The following SGCZ variants were observed in gnomAD, a reference collection of about 807,000 sequenced individuals.
SGCZ encodes the protein sarcoglycan zeta.
In SGCZ, 40 loss-of-function variants were observed where a neutral mutation model predicts 41.3. The ratio of observed to expected loss-of-function variants is 0.97; its 90% confidence interval spans 0.75 to 1.26. The LOEUF (loss-of-function observed/expected upper bound fraction) is 1.26, where lower values mean the gene tolerates loss of function less well. Ranked by LOEUF, SGCZ falls within the 50% of genes most tolerant of loss-of-function variation. SGCZ has a pLI of 0.00. For synonymous variants in SGCZ, 206 were observed against 137.5 expected, an observed-to-expected ratio of 1.50 and a Z score of -3.49; for missense variants, 552 against 369.8, an observed-to-expected ratio of 1.49 and a Z score of -4.04.
chr8:14,423,413 G>A (rs1799689326), intron 2 of SGCZ, among the ~76,000 whole-genome samples: 1 of 151,936 alleles, frequency 6.6e-6, no homozygotes, highest in East Asian at 1.9e-4. Context: ...TAGCTATAAT[G>A]ATAATAATTA....
intron 2 of SGCZ, among the ~76,000 whole-genome samples, chr8:14,499,426 A>G (rs371465609): frequency 5.9e-5 from 9 of 151,892 alleles, no homozygotes; most frequent in African/African-American, 1.9e-4. Flanking sequence ...TTGGTTTTCA[A>G]TTCTCTGTAT....
At chr8:15,193,586 A>G (rs1800612907) in intron 1 of SGCZ, among the ~76,000 whole-genome samples, 2 of 152,042 alleles carry the variant, frequency 1.3e-5, no homozygotes, top group Admixed American at 1.3e-4. Context: ...CACAACCAAG[A>G]GATGGTAGAA....
At chr8:15,114,029 C>T (rs577309923) in intron 1 of SGCZ, among the ~76,000 whole-genome samples, 1 of 152,292 alleles carries the variant, frequency 6.6e-6, no homozygotes, top group South Asian at 2.1e-4. Context: ...GTATCTTTCC[C>T]TCCTTTTGTC....
intron 1 of SGCZ, among the ~76,000 whole-genome samples, chr8:15,059,618 G>C (rs544457674): frequency 5.9e-5 from 9 of 152,106 alleles, no homozygotes; most frequent in African/African-American, 2.2e-4. Context: ...GCATAATTAG[G>C]TTTCAAATAT....
chr8:14,732,377 A>G (rs919317256), intron 1 of SGCZ, among the ~76,000 whole-genome samples: 1 of 152,178 alleles, frequency 6.6e-6, no homozygotes, highest in Non-Finnish European at 1.5e-5. Flanking sequence ...GTTTCCACTC[A>G]TTCTTCTCTC....
chr8:14,315,355 T>G (rs1801680634), intron 3 of SGCZ, among the ~76,000 whole-genome samples: 1 of 152,106 alleles, frequency 6.6e-6, no homozygotes, highest in Admixed American at 6.6e-5. Context: ...GGCTGGGTAA[T>G]AATTTGGTAA....
intron 1 of SGCZ, among the ~76,000 whole-genome samples, chr8:14,919,743 C>A (rs1407253132): frequency 6.6e-6 from 1 of 151,952 alleles, no homozygotes; most frequent in East Asian, 1.9e-4. Context: ...CATGGTGAAA[C>A]CCCATCTCTG....
chr8:14,795,067 G>C (rs1801080237), intron 1 of SGCZ, among the ~76,000 whole-genome samples: 1 of 152,116 alleles, frequency 6.6e-6, no homozygotes, highest in Non-Finnish European at 1.5e-5. Flanking sequence ...AATAAACCAA[G>C]CAAGAGTTCC....
intron 2 of SGCZ, among the ~76,000 whole-genome samples, chr8:14,434,081 T>C (rs1016359789): frequency 2.6e-5 from 4 of 152,250 alleles, no homozygotes; most frequent in African/African-American, 4.8e-5. Context: ...TGTTATGTTA[T>C]AGAATTTTTA....
intron 2 of SGCZ, among the ~76,000 whole-genome samples, chr8:14,417,245 G>T (rs565258886): frequency 6.6e-6 from 1 of 151,970 alleles, no homozygotes; most frequent in South Asian, 2.1e-4. Context: ...AGTGCAATAG[G>T]CAAGTATAGT....
intron 1 of SGCZ, among the ~76,000 whole-genome samples, chr8:14,800,906 C>T (rs934439287): frequency 2.0e-4 from 22 of 110,328 alleles, no homozygotes; most frequent in Non-Finnish European, 3.4e-4. Context: ...CAAAAAACAT[C>T]AGAAAAAAGA....
intron 3 of SGCZ, among the ~76,000 whole-genome samples, chr8:14,274,796 A>G (rs548939429): frequency 2.0e-5 from 3 of 152,062 alleles, no homozygotes; most frequent in African/African-American, 7.2e-5. Flanking sequence ...AAGAAACACT[A>G]TTATCAAAAT....
At chr8:14,710,957 G>A (rs558984058) in intron 1 of SGCZ, among the ~76,000 whole-genome samples, 80 of 152,272 alleles carry the variant, frequency 5.3e-4, no homozygotes, top group Admixed American at 1.5e-3. Flanking sequence ...TTAGAAGAAA[G>A]CAAGTAAGAG....
chr8:14,262,595 G>C (rs150316164), intron 3 of SGCZ, among the ~76,000 whole-genome samples: 1 of 150,672 alleles, frequency 6.6e-6, no homozygotes, highest in Non-Finnish European at 1.5e-5. Context: ...ATTATAAAAG[G>C]ATATATATAT....
intron 1 of SGCZ, among the ~76,000 whole-genome samples, chr8:14,990,408 C>G (rs928957167): frequency 6.6e-6 from 1 of 152,140 alleles, no homozygotes; most frequent in East Asian, 1.9e-4. Context: ...CAAGCTGCAT[C>G]TGTACTTTCA....
intron 3 of SGCZ, among the ~76,000 whole-genome samples, chr8:14,292,674 C>G (rs1310366238): frequency 6.6e-6 from 1 of 151,950 alleles, no homozygotes; most frequent in African/African-American, 2.4e-5. Context: ...TCACTAAAGT[C>G]AAATTCTGGA....
At chr8:15,083,854 G>T (rs1186830222) in intron 1 of SGCZ, among the ~76,000 whole-genome samples, 3 of 152,090 alleles carry the variant, frequency 2.0e-5, no homozygotes, top group African/African-American at 7.2e-5. Flanking sequence ...TCATTGCTGG[G>T]GTTACAGGTA....
intron 1 of SGCZ, among the ~76,000 whole-genome samples, chr8:15,200,227 A>C (rs1320075991): frequency 6.6e-6 from 1 of 152,186 alleles, no homozygotes. Flanking sequence ...GTAGCTTTGG[A>C]CTCATTAAAG....
intron 2 of SGCZ, among the ~76,000 whole-genome samples, chr8:14,429,231 G>C (rs1799875558): frequency 1.3e-5 from 2 of 152,178 alleles, no homozygotes; most frequent in East Asian, 1.9e-4. Flanking sequence ...TAAAAATGTA[G>C]CATAGGTTCT....
Sources: gnomAD v4.1 joint callset for allele counts (sites outside exome capture counted in the v4.1 genomes callset) on GRCh38, gnomAD v4.1.1 for gene constraint, MANE v1.5 for transcripts, NCBI Gene and HGNC (gene_info 2026-07-23, HGNC 2026-07-21) for gene names.